The following CNOT10 variants were observed in gnomAD, a reference collection of about 807,000 sequenced individuals.
CNOT10 encodes CCR4-NOT transcription complex, subunit 10.
CNOT10 carries 30 observed loss-of-function variants against 94.6 expected under a neutral mutation model. The observed-to-expected ratio is 0.32, with a 90% confidence interval of 0.24 to 0.43. CNOT10 has a LOEUF of 0.43. CNOT10 is among the 20% of genes least tolerant of loss of function. CNOT10 has a pLI of 1.00. For synonymous variants in CNOT10, 289 were observed against 301.6 expected (o/e 0.96, Z 0.43); for missense variants, 759 against 877.2 (o/e 0.87, Z 1.70).
chr3:32,713,052 G>A (rs7642441), intron 4 of CNOT10, among the ~76,000 whole-genome samples, 175 bp from the exon 5 acceptor site: 2 of 152,204 alleles, frequency 1.3e-5, no homozygotes, highest in East Asian at 3.8e-4. Context: ...CTAGTAAAAT[G>A]ACATTGTTGG....
At position 32,773,604 on chromosome 3, in the gene CNOT10, G is replaced by A; in HGVS notation, c.2228G>A (p.Arg743Lys). The change falls in exon 19 of 19, where the codon AGA becomes AAA. Residue 743 changes from arginine (R) to lysine (K), a missense_variant. Transcript: ENST00000328834. ...IQMPAFTTVQ[R>K]K ...ATGCCGGCTTTCACCACTGTGCAGA[G>A]AAAGTGATACTTCACTTTTGGAAAA... The A allele has an allele frequency of 6.2e-7, 1 of 1,607,704 alleles. No individual in the cohort carries two copies. The highest frequency in any genetic ancestry group is 8.5e-7 in the Non-Finnish European group (1 of 1,177,942).
At chr3:32,726,866 A>C (rs1248315551) in intron 9 of CNOT10, among the ~76,000 whole-genome samples, 1 of 127,032 alleles carries the variant, frequency 7.9e-6, no homozygotes. Flanking sequence ...TTTTTTCCTG[A>C]GACGAAGTCT....
At chr3:32,691,548 C>G (rs1260436580) in intron 1 of CNOT10, among the ~76,000 whole-genome samples, 1 of 152,180 alleles carries the variant, frequency 6.6e-6, no homozygotes, top group African/African-American at 2.4e-5. Context: ...CTTAAGTGAT[C>G]TGCCCGCCTC....
chr3:32,754,383 A>G (rs1397439587), intron 13 of CNOT10, among the ~76,000 whole-genome samples: 2 of 143,646 alleles, frequency 1.4e-5, no homozygotes, highest in Non-Finnish European at 3.0e-5. Flanking sequence ...AGGCTGAGGC[A>G]GGAGAATGGC....
chr3:32,710,793 T>G (rs1575223021), intron 4 of CNOT10, among the ~76,000 whole-genome samples: 1 of 152,270 alleles, frequency 6.6e-6, no homozygotes, highest in East Asian at 1.9e-4. Flanking sequence ...TGAACTCCAC[T>G]CACTGCAACC....
At chr3:32,713,402 A>G (rs765730485) in intron 5 of CNOT10, 33 bp downstream of exon 5, 2 of 1,513,738 alleles carry the variant, frequency 1.3e-6, no homozygotes, top group South Asian at 1.2e-5. Context: ...ACTAAAATCT[A>G]AAATGTGATT....
rs1696556446 is a variant in CNOT10, at chr3:32,685,489, C to G, written c.22+7C>G. ...GCTGCAGACAAGCCTGCAGGTAGGG[C>G]GCCAATGTCCCGAGCGACGAGACGG... On this transcript the variant is annotated splice_region_variant and intron_variant, in intron 1 of 18. Coordinates refer to ENST00000328834, the MANE Select transcript of CNOT10 (RefSeq NM_015442.3). 2.8e-5 allele frequency: 44 copies of G among 1,550,360 alleles called. No individual in the cohort carries two copies. The highest frequency in any genetic ancestry group is 3.8e-5 in the Non-Finnish European group (44 of 1,146,710).
In CNOT10 at chr3:32,768,498, G is replaced by T. The variant is rs893744190; in HGVS notation, c.2005-1389G>T. ...CTTGGGAGGCTGAGGCAGAAGAATCGCTTGAACCCAGGAGGCGGAGGTTGC... is the reference window on the plus strand; with the variant it reads ...CTTGGGAGGCTGAGGCAGAAGAATCTCTTGAACCCAGGAGGCGGAGGTTGC... On this transcript the variant is annotated intron_variant, in intron 17 of 18. Transcript: ENST00000328834. Among the ~76,000 whole-genome samples, 4 of 151,892 alleles carry T rather than the reference G, an allele frequency of 2.6e-5. No individual in the cohort carries two copies. In the East Asian group the frequency reaches 7.7e-4, roughly 29 times the overall value.
intron 9 of CNOT10, 37 bp downstream of exon 9, chr3:32,725,636 C>G (rs1487239071): frequency 6.5e-7 from 1 of 1,547,364 alleles, no homozygotes; most frequent in African/African-American, 1.4e-5. Flanking sequence ...GTATTTACTA[C>G]TTCAGAAAAG....
Position 32,750,858 on chromosome 3 carries a change from A to G in CNOT10, c.1596-8600A>G, listed in dbSNP as rs79882416. Among the ~76,000 whole-genome samples the G allele has an allele frequency of 2.9e-3, 448 of 152,184 alleles. 5 individuals are homozygous for G. Among genetic ancestry groups the G allele is most frequent in the African/African-American group, 0.01 (427 of 41,520 alleles). On this transcript the variant is annotated intron_variant, in intron 13 of 18. Coordinates refer to ENST00000328834, the MANE Select transcript of CNOT10 (RefSeq NM_015442.3). ...AGCCACCGGGCCCAGCTATATAACA[A>G]TATTTCATTGTTGCATAGTGGTTTA...
At chr3:32,768,534 G>A (rs1244057633) in intron 17 of CNOT10, among the ~76,000 whole-genome samples, 2 of 151,642 alleles carry the variant, frequency 1.3e-5, no homozygotes, top group African/African-American at 4.8e-5. Context: ...AGTGAGCCTA[G>A]ATCGTGCAAT....
chr3:32,705,267 A>G lies in CNOT10; in HGVS notation c.279+295A>G, dbSNP rs143430046. ...TATGAAGAAGCTTAGCTGTGGAGAT[A>G]TATCTTGTTTATAATGAAAAAAATA... On this transcript the variant is annotated intron_variant, in intron 3 of 18. Transcript: ENST00000328834. Among the ~76,000 whole-genome samples, 13 of 152,314 alleles carry G rather than the reference A, an allele frequency of 8.5e-5. No homozygotes were observed. The East Asian group carries it at 2.5e-3, about 29-fold the overall frequency.
chr3:32,764,462 C>T lies in CNOT10; in HGVS notation c.1848C>T (p.Asp616=), dbSNP rs779877470. The stretch of plus-strand genomic sequence containing the variant: ...ATTTTCGTGTTTTTGTAGGATCAGA[C>T]AAAGGTGAAAATGAAGCAATGGAAT... ...ISSNEQDQGS[D]KGENEAMESS... Residue 616 remains aspartate, a synonymous_variant, in exon 16 of 19, where the codon GAC becomes GAT. Transcript: ENST00000328834. 6.2e-7 allele frequency: 1 copy of T among 1,613,862 alleles called. No homozygotes were observed. Among genetic ancestry groups the T allele is most frequent in the South Asian group, 1.1e-5 (1 of 91,040 alleles).
At chr3:32,769,859 CA>C (rs1242991774) in intron 17 of CNOT10, 27 bp from the exon 18 acceptor site, 10 of 1,592,400 alleles carry the variant, frequency 6.3e-6, no homozygotes, top group Non-Finnish European at 8.6e-6. Context: ...TTTGTTTTTT[CA>C]CGGGCATCTT....
chr3:32,694,642 T>C (rs995501458), intron 1 of CNOT10, among the ~76,000 whole-genome samples: 2 of 152,118 alleles, frequency 1.3e-5, no homozygotes, highest in Admixed American at 1.3e-4. Flanking sequence ...TAGGCTGGAG[T>C]GCAGTGGCAT....
At chr3:32,762,017 C>T (rs113480701) in intron 14 of CNOT10, among the ~76,000 whole-genome samples, 20 of 150,618 alleles carry the variant, frequency 1.3e-4, no homozygotes, top group African/African-American at 3.4e-4. Flanking sequence ...GGTGATCTGC[C>T]ATCTTGGCCT....
chr3:32,769,605 G>T, intron 17 of CNOT10: 1 of 348,944 alleles, frequency 2.9e-6, no homozygotes, highest in South Asian at 4.4e-5. Flanking sequence ...GCAACTGTAT[G>T]TGTCTGTTGT....
chr3:32,733,675 AT>A (rs1254801893), intron 11 of CNOT10, 131 bp downstream of exon 11: 1 of 581,214 alleles, frequency 1.7e-6, no homozygotes, highest in East Asian at 3.4e-5. Context: ...TTTTATTGCT[AT>A]TTCAACAAAC....
At chr3:32,705,008 G>T (rs1697549971) in intron 3 of CNOT10, 36 bp downstream of exon 3, 4 of 1,338,066 alleles carry the variant, frequency 3.0e-6, no homozygotes, top group Non-Finnish European at 3.0e-6. Flanking sequence ...AAAAAATATT[G>T]TTCTGTTCTT....
Sources: allele counts gnomAD v4.1 joint callset (sites outside exome capture counted in the v4.1 genomes callset), GRCh38; gene constraint gnomAD v4.1.1; transcripts MANE v1.5; gene names NCBI Gene and HGNC (gene_info 2026-07-23, HGNC 2026-07-21).